The following LRRC37A2 variants were observed in gnomAD, a reference collection of about 807,000 sequenced individuals.
LRRC37A2 encodes the protein leucine rich repeat containing 37 member A2.
In LRRC37A2, 9 loss-of-function variants were observed where a neutral mutation model predicts 68.8. That is an observed-to-expected ratio of 0.13 (90% CI 0.08 to 0.23). LRRC37A2 has a LOEUF of 0.23. LRRC37A2 is among the 10% of genes least tolerant of loss of function. LRRC37A2 has a pLI of 1.00. For synonymous variants in LRRC37A2, 63 were observed against 367.6 expected (o/e 0.17, Z 9.48); for missense variants, 168 against 950.4 (o/e 0.18, Z 10.82).
the LRRC37A2 span, among the ~76,000 whole-genome samples, chr17:46,983,528 A>G: frequency 1.3e-5 from 2 of 151,880 alleles, no homozygotes; most frequent in African/African-American, 4.8e-5. Flanking sequence ...TCCTGACCTC[A>G]GATGATCCAC....
the LRRC37A2 span, among the ~76,000 whole-genome samples, chr17:47,014,787 A>T: frequency 6.6e-6 from 1 of 152,108 alleles, no homozygotes; most frequent in Non-Finnish European, 1.5e-5. Context: ...ATTGCGCTAC[A>T]GCTTTCAAAA....
the LRRC37A2 span, among the ~76,000 whole-genome samples, chr17:46,638,710 T>A: frequency 7.2e-6 from 1 of 139,288 alleles, no homozygotes; most frequent in South Asian, 2.3e-4. Flanking sequence ...GAGATGGGGT[T>A]TTGCCATGTT....
At chr17:46,721,449 A>G in the LRRC37A2 span, 3 of 621,350 alleles carry the variant, frequency 4.8e-6, no homozygotes. Flanking sequence ...CTTCCCTCCT[A>G]ACTTTAAGAC....
chr17:46,556,811 AAGAC>A (rs1423485208), downstream of LRRC37A2: 2 of 87,816 alleles, frequency 2.3e-5, no homozygotes, highest in South Asian at 3.4e-4. Context: ...TCAGCAAACT[AAGAC>A]AGGAACAGAA....
the LRRC37A2 span, among the ~76,000 whole-genome samples, chr17:46,727,594 T>C: frequency 1.8e-4 from 28 of 152,192 alleles, no homozygotes; most frequent in Admixed American, 8.5e-4. Context: ...GTGTCTGTTA[T>C]AAAGCAAAGC....
the LRRC37A2 span, among the ~76,000 whole-genome samples, chr17:46,796,412 C>T: frequency 2.6e-5 from 4 of 152,314 alleles, no homozygotes; most frequent in East Asian, 7.7e-4. Flanking sequence ...ATCATCACCC[C>T]TATCTCAGTG....
chr17:46,960,082 AC>A, the LRRC37A2 span, among the ~76,000 whole-genome samples: 1 of 152,244 alleles, frequency 6.6e-6, no homozygotes, highest in Non-Finnish European at 1.5e-5. Context: ...TTGATGGGCA[AC>A]CAGAATGCCA....
At chr17:46,498,680 A>T in the LRRC37A2 span, among the ~76,000 whole-genome samples, 1 of 143,446 alleles carries the variant, frequency 7.0e-6, no homozygotes, top group Admixed American at 6.9e-5. Flanking sequence ...TCTAAAATAA[A>T]AGTAAAAGAA....
At chr17:46,807,150 C>T in the LRRC37A2 span, among the ~76,000 whole-genome samples, 8 of 152,166 alleles carry the variant, frequency 5.3e-5, no homozygotes, top group African/African-American at 1.9e-4. Context: ...TCTCTGAAGA[C>T]AAGACCTTTG....
chr17:47,021,581 C>T, the LRRC37A2 span: 2 of 507,780 alleles, frequency 3.9e-6, no homozygotes, highest in Admixed American at 8.5e-5. Flanking sequence ...AAAATACTTA[C>T]ATTCAAAGTA....
the LRRC37A2 span, chr17:46,721,727 T>C: frequency 6.2e-7 from 1 of 1,605,822 alleles, no homozygotes; most frequent in Non-Finnish European, 8.5e-7. Context: ...GCTATCTAGT[T>C]TGACGGGGAT....
chr17:46,841,290 G>A, the LRRC37A2 span, among the ~76,000 whole-genome samples: 26 of 152,300 alleles, frequency 1.7e-4, no homozygotes, highest in African/African-American at 5.1e-4. Flanking sequence ...ACTTGCCCAC[G>A]GTCACCCAGC....
chr17:46,846,509 G>A, the LRRC37A2 span, among the ~76,000 whole-genome samples: 1 of 152,214 alleles, frequency 6.6e-6, no homozygotes, highest in African/African-American at 2.4e-5. Context: ...CTGGCACAAA[G>A]TACAGTTGTG....
the LRRC37A2 span, chr17:46,762,443 A>C: frequency 6.6e-6 from 1 of 152,068 alleles, no homozygotes; most frequent in African/African-American, 2.4e-5. Flanking sequence ...CATGTTCAGA[A>C]TCTCGTATCC....
chr17:46,404,736 G>T, the LRRC37A2 span, among the ~76,000 whole-genome samples: 1 of 100,426 alleles, frequency 1.0e-5, no homozygotes, highest in Non-Finnish European at 2.3e-5. Context: ...CGGGCGTGGT[G>T]GTGGGTACCT....
chr17:46,863,734 G>C, the LRRC37A2 span, among the ~76,000 whole-genome samples: 3 of 152,186 alleles, frequency 2.0e-5, no homozygotes, highest in Non-Finnish European at 2.9e-5. Context: ...AGTTAGACAT[G>C]GCAGAGGACA....
At chr17:46,711,023 G>A in the LRRC37A2 span, 4 of 1,593,026 alleles carry the variant, frequency 2.5e-6, no homozygotes, top group Non-Finnish European at 3.4e-6. Flanking sequence ...CATCAAATGG[G>A]GTGACCCAGT....
the LRRC37A2 span, among the ~76,000 whole-genome samples, chr17:46,385,115 C>T: frequency 2.0e-5 from 2 of 100,198 alleles, no homozygotes; most frequent in African/African-American, 7.0e-5. Flanking sequence ...AATTCTGAGT[C>T]TTCCAATGAA....
At chr17:46,923,309 C>T in the LRRC37A2 span, 2 of 1,545,844 alleles carry the variant, frequency 1.3e-6, no homozygotes, top group Middle Eastern at 1.7e-4. Flanking sequence ...GGACGTCAGC[C>T]AGGGTAGAGG....
Sources: gnomAD v4.1 joint callset for allele counts (sites outside exome capture counted in the v4.1 genomes callset) on GRCh38, gnomAD v4.1.1 for gene constraint, MANE v1.5 for transcripts, NCBI Gene and HGNC (gene_info 2026-07-23, HGNC 2026-07-21) for gene names.